SRD5A1: variants seen among roughly 807,000 people sequenced by gnomAD.
The protein encoded by SRD5A1 is 3-oxo-5-alpha-steroid 4-dehydrogenase 1.
A neutral mutation model predicts 28.2 loss-of-function variants in SRD5A1; 22 were observed. The observed-to-expected ratio is 0.78, with a 90% CI of 0.56 to 1.12. The LOEUF (loss-of-function observed/expected upper bound fraction) is 1.12, where lower values mean the gene tolerates loss of function less well. Among genes scored for constraint, SRD5A1 ranks in the 50% most tolerant of loss-of-function variants. The probability of loss-of-function intolerance (pLI) is 0.00; values close to 1 mark genes in which losing one functional copy is unlikely to be tolerated. For missense variants in SRD5A1, 300 were observed against 346.7 expected (o/e 0.87, Z 1.07); for synonymous variants, 151 against 135.0 (o/e 1.12, Z -0.82).
chr5:6,662,494 A>C (rs960359764), intron 3 of SRD5A1, among the ~76,000 whole-genome samples: 1 of 152,202 alleles, frequency 6.6e-6, no homozygotes, highest in African/African-American at 2.4e-5. Context: ...ATCTAGGTCC[A>C]TTTTACATGG....
rs906737124 is a variant in SRD5A1, at chr5:6,638,598, A to G, written c.293+4729A>G. Among the ~76,000 whole-genome samples the G allele has an allele frequency of 2.0e-5, 3 of 152,258 alleles. No individual in the cohort carries two copies. In the East Asian group the frequency reaches 5.8e-4, roughly 29 times the overall value. Reference sequence around the variant, plus strand: ...TCCATGTGCTTATGTAAGACACAAGACACCATCTCAGCCTGATGGCCTTCT... The same window carrying G: ...TCCATGTGCTTATGTAAGACACAAGGCACCATCTCAGCCTGATGGCCTTCT... On this transcript the variant is annotated intron_variant, in intron 1 of 4. Coordinates refer to ENST00000274192, the MANE Select transcript of SRD5A1 (RefSeq NM_001047.4).
intron 1 of SRD5A1, among the ~76,000 whole-genome samples, chr5:6,642,313 A>G (rs485614): frequency 0.025 from 3,763 of 152,346 alleles, 161 homozygotes; most frequent in African/African-American, 0.085. Context: ...GAGCATGATC[A>G]TCACTTGGAA....
At chr5:6,663,015 T>C in intron 4 of SRD5A1, 49 bp downstream of exon 4, 2 of 1,590,292 alleles carry the variant, frequency 1.3e-6, no homozygotes, top group Middle Eastern at 1.7e-4. Flanking sequence ...TTTGACTATA[T>C]TATTACCATT....
chr5:6,656,947 G>T (rs1487853594), intron 3 of SRD5A1, among the ~76,000 whole-genome samples: 1 of 152,180 alleles, frequency 6.6e-6, no homozygotes, highest in African/African-American at 2.4e-5. Context: ...AGAATTAATG[G>T]AAACATTATA....
rs1739308504 is a variant in SRD5A1, at chr5:6,669,775, A to C, written c.*1507A>C. On this transcript the variant is annotated 3_prime_UTR_variant, in exon 5 of 5. Transcript: ENST00000274192. The stretch of plus-strand genomic sequence containing the variant: ...TCCAGTTAAATCTGATGAGCTGAAC[A>C]TACACCTTTCCTTCTCCCCTCTCTA... The C allele has an allele frequency of 6.6e-6, 1 of 152,266 alleles. No homozygotes were observed. The highest frequency in any genetic ancestry group is 1.5e-5 in the Non-Finnish European group (1 of 68,062). 9.4% of individuals were successfully genotyped at this position (152,266 alleles called of 1,614,324 possible). A position where few individuals can be genotyped will look rare whatever the true frequency, so the allele number is the denominator to read the frequency against.
intron 1 of SRD5A1, among the ~76,000 whole-genome samples, chr5:6,640,743 C>A (rs1292656962): frequency 6.6e-6 from 1 of 152,180 alleles, no homozygotes; most frequent in East Asian, 1.9e-4. Context: ...TTTAATCTTA[C>A]ATTTACTCTG....
At position 6,654,986 on chromosome 5, in the gene SRD5A1, G is replaced by A. The variant is rs7714182; in HGVS notation, c.461-1092G>A. 4.5e-3 allele frequency among the ~76,000 whole-genome samples: 678 copies of A among 152,086 alleles called. 4 individuals are homozygous for A. The highest frequency in any genetic ancestry group is 0.014 in the African/African-American group (581 of 41,476). On this transcript the variant is annotated intron_variant, in intron 2 of 4. Coordinates refer to ENST00000274192, the MANE Select transcript of SRD5A1 (RefSeq NM_001047.4). ...GGATCCAATAAATGACTTACAAAAC[G>A]TATTATAAAACTTGGTATGAACTGC...
At chr5:6,636,959 T>C (rs1738201897) in intron 1 of SRD5A1, among the ~76,000 whole-genome samples, 1 of 152,128 alleles carries the variant, frequency 6.6e-6, no homozygotes, top group Non-Finnish European at 1.5e-5. Context: ...CAGGACGAGC[T>C]GTGGTCCTGA....
rs1251610052 is a variant in SRD5A1, at chr5:6,662,930, T to G, written c.677T>G (p.Phe226Cys). 1 of 1,614,226 alleles carries G rather than the reference T, an allele frequency of 6.2e-7. No individual in the cohort carries two copies. Among genetic ancestry groups the G allele is most frequent in the South Asian group, 1.1e-5 (1 of 91,090 alleles). Reference sequence around the variant, plus strand: ...GGCGCGGCTTTTGCTTTCTTCACGTTTTGTTTTTTATCTGGTAGAGCAAAA... The same window carrying G: ...GGCGCGGCTTTTGCTTTCTTCACGTGTTGTTTTTTATCTGGTAGAGCAAAA... The part of the protein sequence containing the change: ...VQGAAFAFFT[F>C]CFLSGRAKEH... The change falls in exon 4 of 5, where the codon TTT becomes TGT. Residue 226 changes from phenylalanine to cysteine, a missense_variant. Around this residue, in one of 2 missense-constraint regions of SRD5A1, gnomAD observed 126 missense variants for 185.7 expected, o/e 0.68. Transcript: ENST00000274192.
rs937348134 is a variant in SRD5A1, at chr5:6,673,804, C to T, written c.*5536C>T. 3 of 151,896 alleles carry T rather than the reference C, an allele frequency of 2.0e-5. No individual in the cohort carries two copies. Among genetic ancestry groups the T allele is most frequent in the Admixed American group, 1.3e-4 (2 of 15,252 alleles). The allele number at this position is 151,896 out of a possible 1,614,324, so 9.4% of individuals were successfully genotyped here. The stretch of plus-strand genomic sequence containing the variant: ...TTTTTTTAACAAAGAGCTATCAAGC[C>T]ATGAAAAGATAAGGAAGAACTTTAA... On this transcript the variant is annotated 3_prime_UTR_variant, in exon 5 of 5. Coordinates refer to ENST00000274192, the MANE Select transcript of SRD5A1 (RefSeq NM_001047.4).
chr5:6,650,607 T>C (rs1738640670), intron 1 of SRD5A1, among the ~76,000 whole-genome samples: 1 of 152,030 alleles, frequency 6.6e-6, no homozygotes, highest in African/African-American at 2.4e-5. Context: ...AAAATGCACC[T>C]AAGCCAGTGT....
At position 6,644,657 on chromosome 5, in the gene SRD5A1, A is replaced by T. The variant is rs77759292; in HGVS notation, c.294-7185A>T. 71 of 357,872 alleles carry T rather than the reference A, an allele frequency of 2.0e-4. No individual in the cohort carries two copies. The East Asian group carries it at 4.9e-3, about 25-fold the overall frequency. The allele number at this position is 357,872 out of a possible 1,614,324, so 22.2% of individuals were successfully genotyped here. The stretch of plus-strand genomic sequence containing the variant: ...TTAATTCTGTCCATCCGGGTCTAAC[A>T]CAAGGCCTCCTGTTCTGGTTGACAA... On this transcript the variant is annotated intron_variant, in intron 1 of 4. Transcript: ENST00000274192.
chr5:6,661,844 T>A (rs533475901), intron 3 of SRD5A1, among the ~76,000 whole-genome samples: 114 of 152,084 alleles, frequency 7.5e-4, no homozygotes, highest in South Asian at 2.9e-3. Flanking sequence ...AATTTTTTTT[T>A]AAAAAAAGCT....
Position 6,672,809 on chromosome 5 carries a change from C to A in SRD5A1, c.*4541C>A, listed in dbSNP as rs1365148837. The A allele has an allele frequency of 6.6e-6, 1 of 152,174 alleles. No individual in the cohort carries two copies. The highest frequency in any genetic ancestry group is 1.5e-5 in the Non-Finnish European group (1 of 68,020). The allele number at this position is 152,174 out of a possible 1,614,324, so 9.4% of individuals were successfully genotyped here. A position where few individuals can be genotyped will look rare whatever the true frequency, so the allele number is the denominator to read the frequency against. ...CAAGTACAGACCCTATGTTTAACTT[C>A]TTTTATTCAACAGAATTAAAAAACT... On this transcript the variant is annotated 3_prime_UTR_variant, in exon 5 of 5. Transcript: ENST00000274192.
At chr5:6,651,719 T>A in intron 1 of SRD5A1, 123 bp from the exon 2 acceptor site, 1 of 907,886 alleles carries the variant, frequency 1.1e-6, no homozygotes, top group Non-Finnish European at 1.6e-6. Context: ...TTAGTATAAA[T>A]GTTACTGAGG....
Position 6,669,745 on chromosome 5 carries a change from G to A in SRD5A1, c.*1477G>A, listed in dbSNP as rs1043481243. 6.6e-6 allele frequency: 1 copy of A among 152,200 alleles called. No homozygotes were observed. Among genetic ancestry groups the A allele is most frequent in the African/African-American group, 2.4e-5 (1 of 41,444 alleles). 9.4% of individuals were successfully genotyped at this position (152,200 alleles called of 1,614,324 possible). ...TTTATGATTTTTAAAGTAGCCTTGA[G>A]AGCTTCCAGTTAAATCTGATGAGCT... On this transcript the variant is annotated 3_prime_UTR_variant, in exon 5 of 5. Transcript: ENST00000274192.
chr5:6,667,695 T>C (rs1202973420), intron 4 of SRD5A1, among the ~76,000 whole-genome samples: 1 of 152,230 alleles, frequency 6.6e-6, no homozygotes, highest in Non-Finnish European at 1.5e-5. Flanking sequence ...CAATGCCATA[T>C]TGCATTTCCC....
rs1229473874 is a variant in SRD5A1, at chr5:6,670,215, G to GGAA, written c.*1948_*1950dup. On this transcript the variant is annotated 3_prime_UTR_variant, in exon 5 of 5. Coordinates refer to ENST00000274192, the MANE Select transcript of SRD5A1 (RefSeq NM_001047.4). Reference sequence around the variant, plus strand: ...CAGAGAACTAGGTGTTGGCATCCCAGGAAAAAAATAAAGTCTCCACATTTT... The same window carrying GGAA: ...CAGAGAACTAGGTGTTGGCATCCCAGGAAGAAAAAAATAAAGTCTCCACATTTT... The GGAA allele has an allele frequency of 6.6e-6, 1 of 152,122 alleles. No individual in the cohort carries two copies. The highest frequency in any genetic ancestry group is 1.5e-5 in the Non-Finnish European group (1 of 68,034). The allele number at this position is 152,122 out of a possible 1,614,324, so 9.4% of individuals were successfully genotyped here. A position where few individuals can be genotyped will look rare whatever the true frequency, so the allele number is the denominator to read the frequency against.
intron 1 of SRD5A1, among the ~76,000 whole-genome samples, chr5:6,638,816 C>T (rs1280957922): frequency 6.6e-6 from 1 of 152,142 alleles, no homozygotes; most frequent in African/African-American, 2.4e-5. Context: ...AAGTCTTTTA[C>T]AGAAGGAAAG....
Sources: allele counts gnomAD v4.1 joint callset (sites outside exome capture counted in the v4.1 genomes callset), GRCh38; gene constraint gnomAD v4.1.1; regional missense constraint gnomAD v4.1.1; transcripts MANE v1.5; gene names NCBI Gene and HGNC (gene_info 2026-07-23, HGNC 2026-07-21).